Variants in CAMTA1 observed in about 807,000 individuals in gnomAD.
CAMTA1 encodes the protein calmodulin binding transcription activator 1, also known as calmodulin-binding transcription activator 1.
Under a neutral mutation model 170.9 loss-of-function variants are expected in CAMTA1, and 27 were observed. The observed-to-expected ratio is 0.16, with a 90% CI of 0.12 to 0.22. CAMTA1 has a LOEUF of 0.22. CAMTA1 is among the 10% of genes least tolerant of loss of function. The pLI is 1.00. For missense variants in CAMTA1, 1,619 were observed against 2,217.2 expected, an observed-to-expected ratio of 0.73 and a Z score of 5.42; for synonymous variants, 833 against 891.5, an observed-to-expected ratio of 0.93 and a Z score of 1.17.
At chr1:7,545,914 A>C (rs1216176180) in intron 6 of CAMTA1, among the ~76,000 whole-genome samples, 1 of 124,288 alleles carries the variant, frequency 8.0e-6, no homozygotes, top group Non-Finnish European at 1.6e-5. Flanking sequence ...TTCAGCTCCC[A>C]CTTACAAGTG....
At chr1:7,205,474 CTG>C (rs1304033020) in intron 4 of CAMTA1, among the ~76,000 whole-genome samples, 2 of 152,152 alleles carry the variant, frequency 1.3e-5, no homozygotes, top group African/African-American at 2.4e-5. Flanking sequence ...TATTTTGGTG[CTG>C]TGTTACTAGG....
chr1:7,398,181 CTCTCTCTCTCTCTAT>C (rs1449850856), intron 5 of CAMTA1, among the ~76,000 whole-genome samples: 4 of 45,578 alleles, frequency 8.8e-5, no homozygotes, highest in African/African-American at 3.3e-4. Flanking sequence ...CTCTCTCTCT[CTCTCTCTCTCTCTAT>C]ATATATATAT....
intron 1 of CAMTA1, among the ~76,000 whole-genome samples, chr1:6,786,775 T>C (rs1639523144): frequency 1.3e-5 from 2 of 152,216 alleles, no homozygotes; most frequent in South Asian, 4.1e-4. Flanking sequence ...TTCTCGGAGT[T>C]CCTTGTCTGG....
At chr1:6,848,395 C>G (rs148911796) in intron 3 of CAMTA1, among the ~76,000 whole-genome samples, 1 of 152,188 alleles carries the variant, frequency 6.6e-6, no homozygotes. Flanking sequence ...GTGGTCCTCC[C>G]GTTTCGTCCT....
At chr1:7,650,445 T>C (rs1172621933) in intron 7 of CAMTA1, among the ~76,000 whole-genome samples, 2 of 152,160 alleles carry the variant, frequency 1.3e-5, no homozygotes, top group Non-Finnish European at 2.9e-5. Context: ...CTACCCCTCA[T>C]TGACAATGTC....
chr1:6,821,892 A>T (rs1404183294), intron 2 of CAMTA1, among the ~76,000 whole-genome samples: 1 of 152,156 alleles, frequency 6.6e-6, no homozygotes, highest in East Asian at 1.9e-4. Context: ...AAGTTATATT[A>T]TACTACACCT....
At chr1:7,212,614 G>C (rs1431194435) in intron 4 of CAMTA1, among the ~76,000 whole-genome samples, 1 of 152,110 alleles carries the variant, frequency 6.6e-6, no homozygotes, top group African/African-American at 2.4e-5. Context: ...TGCACCCTTT[G>C]AGCTGTTTTT....
intron 4 of CAMTA1, among the ~76,000 whole-genome samples, chr1:7,228,340 C>T (rs558167391): frequency 1.1e-4 from 17 of 152,284 alleles, no homozygotes; most frequent in Admixed American, 7.8e-4. Flanking sequence ...TGGTGGCTCA[C>T]GCCTGTAATC....
In CAMTA1 at chr1:7,093,125, T is replaced by C. The variant is rs556785169; in HGVS notation, c.302+1754T>C. Among the ~76,000 whole-genome samples, 26 of 152,170 alleles carry C rather than the reference T, an allele frequency of 1.7e-4. 1 individual carries two copies. The highest frequency in any genetic ancestry group is 3.4e-4 in the Non-Finnish European group (23 of 68,032). On this transcript the variant is annotated intron_variant, in intron 4 of 22. Transcript: ENST00000303635. This position sits in a 1 kb window ranked among gnomAD's most constrained non-coding sequence, Gnocchi z 4.6. ...TGACATGCTCATTTCCCCTTTCTTC[T>C]GCGGCATCTTCTTGGAGGACATCAT...
At chr1:7,268,273 G>A (rs1290755943) in intron 5 of CAMTA1, among the ~76,000 whole-genome samples, 1 of 146,370 alleles carries the variant, frequency 6.8e-6, no homozygotes, top group Admixed American at 6.9e-5. Context: ...AGAAGGGGGG[G>A]TCAGCAGAGA....
At position 6,837,786 on chromosome 1, in the gene CAMTA1, A is replaced by G. The variant is rs570658459; in HGVS notation, c.234+12576A>G. Among the ~76,000 whole-genome samples, 5 of 152,154 alleles carry G rather than the reference A, an allele frequency of 3.3e-5. No homozygotes were observed. The South Asian group carries it at 8.3e-4, about 25-fold the overall frequency. Reference sequence around the variant, plus strand: ...TAAATGCTTTAATTATTATTAATCAAATTTTTTTGTATTTAAGCAGTTTTC... The same window carrying G: ...TAAATGCTTTAATTATTATTAATCAGATTTTTTTGTATTTAAGCAGTTTTC... On this transcript the variant is annotated intron_variant, in intron 3 of 22. Coordinates refer to ENST00000303635, the MANE Select transcript of CAMTA1 (RefSeq NM_015215.4).
chr1:7,043,022 G>A (rs1442446901), intron 3 of CAMTA1, among the ~76,000 whole-genome samples: 1 of 152,192 alleles, frequency 6.6e-6, no homozygotes, highest in East Asian at 1.9e-4. Context: ...TGGCCTGGGT[G>A]TGCTGCAGTG....
intron 6 of CAMTA1, among the ~76,000 whole-genome samples, chr1:7,638,830 C>T (rs2095737106): frequency 6.6e-6 from 1 of 152,140 alleles, no homozygotes; most frequent in African/African-American, 2.4e-5. Context: ...CCACCGAAGG[C>T]CCCATGCTCA....
At chr1:7,350,367 T>C (rs1182073671) in intron 5 of CAMTA1, among the ~76,000 whole-genome samples, 1 of 152,244 alleles carries the variant, frequency 6.6e-6, no homozygotes, top group Non-Finnish European at 1.5e-5. Flanking sequence ...TGAGACCCTC[T>C]ATGTCCCTGA....
At position 7,493,131 on chromosome 1, in the gene CAMTA1, C is replaced by G. The variant is rs567284792; in HGVS notation, c.510+25230C>G. 4.4e-4 allele frequency among the ~76,000 whole-genome samples: 58 copies of G among 133,068 alleles called. 1 individual carries two copies. The highest frequency in any genetic ancestry group is 7.1e-4 in the Non-Finnish European group (46 of 64,576). The allele number at this position is 133,068 out of a possible 152,430, so 87.3% of individuals were successfully genotyped here. A position where few individuals can be genotyped will look rare whatever the true frequency, so the allele number is the denominator to read the frequency against. On this transcript the variant is annotated intron_variant, in intron 6 of 22. Coordinates refer to ENST00000303635, the MANE Select transcript of CAMTA1 (RefSeq NM_015215.4). Reference sequence around the variant, plus strand: ...ACATACACACACGCGCACACACAGACATACAAACGTGAGCACACAACACAA... The same window carrying G: ...ACATACACACACGCGCACACACAGAGATACAAACGTGAGCACACAACACAA...
Position 6,918,047 on chromosome 1 carries a change from C to T in CAMTA1, c.234+92837C>T, listed in dbSNP as rs906284029. 6.6e-6 allele frequency among the ~76,000 whole-genome samples: 1 copy of T among 152,080 alleles called. No individual in the cohort carries two copies. The highest frequency in any genetic ancestry group is 1.5e-5 in the Non-Finnish European group (1 of 68,010). On this transcript the variant is annotated intron_variant, in intron 3 of 22. Transcript: ENST00000303635. This position sits in a 1 kb window ranked among gnomAD's most constrained non-coding sequence, Gnocchi z 4.0. Reference sequence around the variant, plus strand: ...GTTAGGCCTCACATCTAGAAGGCCCCAAATGCCCAAGTTCTTGGGCCTTGC... The same window carrying T: ...GTTAGGCCTCACATCTAGAAGGCCCTAAATGCCCAAGTTCTTGGGCCTTGC...
chr1:6,911,986 C>T (rs931016598), intron 3 of CAMTA1, among the ~76,000 whole-genome samples: 1 of 152,194 alleles, frequency 6.6e-6, no homozygotes, highest in Non-Finnish European at 1.5e-5. Flanking sequence ...TCCCTTCTTT[C>T]TCTTATCTTT....
chr1:7,409,448 C>G (rs964020263), intron 5 of CAMTA1, among the ~76,000 whole-genome samples: 16 of 152,146 alleles, frequency 1.1e-4, no homozygotes, highest in African/African-American at 3.6e-4. Flanking sequence ...ACAGGCTGGT[C>G]GAGAGCCTGG....
At chr1:7,362,512 G>A (rs972467878) in intron 5 of CAMTA1, among the ~76,000 whole-genome samples, 3 of 152,056 alleles carry the variant, frequency 2.0e-5, no homozygotes, top group African/African-American at 7.2e-5. Flanking sequence ...GTAGACTTGG[G>A]TAGAGGTGGT....
Sources: gnomAD v4.1 joint callset for allele counts (sites outside exome capture counted in the v4.1 genomes callset) on GRCh38, gnomAD v4.1.1 for gene constraint, Gnocchi (gnomAD v3.1) non-coding constraint, MANE v1.5 for transcripts, NCBI Gene and HGNC (gene_info 2026-07-23, HGNC 2026-07-21) for gene names.